Variants in GSK3B observed in about 807,000 individuals in gnomAD.
GSK3B encodes the protein glycogen synthase kinase 3 beta.
In GSK3B, 15 loss-of-function variants were observed where a neutral mutation model predicts 56.4. The ratio of observed to expected loss-of-function variants is 0.27; its 90% confidence interval spans 0.18 to 0.41. The LOEUF is 0.41. GSK3B is among the 10% of genes least tolerant of loss of function. GSK3B has a pLI of 1.00. For synonymous variants in GSK3B, 181 were observed against 188.9 expected, an observed-to-expected ratio of 0.96 and a Z score of 0.34; for missense variants, 300 against 513.4, an observed-to-expected ratio of 0.58 and a Z score of 4.02.
intron 1 of GSK3B, among the ~76,000 whole-genome samples, chr3:120,008,205 A>C (rs948021837): frequency 3.3e-5 from 5 of 152,250 alleles, no homozygotes; most frequent in African/African-American, 1.2e-4. Context: ...GGAGAACTAC[A>C]AACCACTGCT....
chr3:120,079,684 C>A (rs780740398), intron 1 of GSK3B, among the ~76,000 whole-genome samples: 1 of 152,014 alleles, frequency 6.6e-6, no homozygotes, highest in Non-Finnish European at 1.5e-5. Context: ...AGTGAGCCAC[C>A]GCACCCGGCC....
chr3:120,057,085 C>A (rs553703712), intron 1 of GSK3B, among the ~76,000 whole-genome samples: 1 of 152,106 alleles, frequency 6.6e-6, no homozygotes, highest in Non-Finnish European at 1.5e-5. Context: ...GCAGAGGTTG[C>A]GGTGAGCCAA....
Position 120,093,992 on chromosome 3 carries a change from G to A in GSK3B, c.-558C>T, listed in dbSNP as rs200723700. On this transcript the variant is annotated 5_prime_UTR_variant, in exon 1 of 11. Transcript: ENST00000264235. Reference sequence around the variant, plus strand: ...GCGGGATCCGGCGGGCTGACGGCAGGGGCCCGGCGAACTAGAGGGCGGCGG... The same window carrying A: ...GCGGGATCCGGCGGGCTGACGGCAGAGGCCCGGCGAACTAGAGGGCGGCGG... The A allele has an allele frequency of 3.7e-5, 8 of 214,750 alleles. No homozygotes were observed. The South Asian group carries it at 1.1e-3, about 29-fold the overall frequency. The allele number at this position is 214,750 out of a possible 1,614,324, so 13.3% of individuals were successfully genotyped here.
intron 2 of GSK3B, among the ~76,000 whole-genome samples, chr3:119,986,131 T>C (rs1375080623): frequency 2.0e-5 from 3 of 152,170 alleles, no homozygotes; most frequent in African/African-American, 7.2e-5. Context: ...TAGCTAGCCA[T>C]ATGCAGAAAA....
intron 3 of GSK3B, among the ~76,000 whole-genome samples, chr3:119,936,334 A>C (rs915363352): frequency 7.6e-6 from 1 of 131,174 alleles, no homozygotes; most frequent in East Asian, 2.1e-4. Context: ...AATATATATA[A>C]AAAATATATA....
intron 7 of GSK3B, among the ~76,000 whole-genome samples, chr3:119,903,098 G>C (rs2056641476): frequency 6.6e-6 from 1 of 152,116 alleles, no homozygotes; most frequent in African/African-American, 2.4e-5. Flanking sequence ...ATAAGACTTA[G>C]AACTATACTA....
intron 1 of GSK3B, among the ~76,000 whole-genome samples, chr3:120,076,570 C>G (rs555098841): frequency 1.3e-5 from 2 of 152,154 alleles, no homozygotes; most frequent in South Asian, 4.1e-4. Flanking sequence ...AATCCCAGCA[C>G]TTTGGGAGGC....
rs762910410 is a variant in GSK3B at position 119,825,656 on chromosome 3, CAAATT to C, written c.*1127_*1131del. 2.6e-4 allele frequency: 60 copies of C among 227,640 alleles called. No individual in the cohort carries two copies. Among genetic ancestry groups the C allele is most frequent in the African/African-American group, 1.1e-3 (50 of 45,168 alleles). 14.1% of individuals were successfully genotyped at this position (227,640 alleles called of 1,614,324 possible). A position where few individuals can be genotyped will look rare whatever the true frequency, so the allele number is the denominator to read the frequency against. On this transcript the variant is annotated 3_prime_UTR_variant, in exon 11 of 11. Transcript: ENST00000264235. ...ATGTAAAAAGCATGAGGTTAAAAAACAAATTAAATACAGATTCTAGATTTGGATTT... is the reference window on the plus strand; with the variant it reads ...ATGTAAAAAGCATGAGGTTAAAAAACAAATACAGATTCTAGATTTGGATTT...
At chr3:120,065,705 T>A (rs925111509) in intron 1 of GSK3B, among the ~76,000 whole-genome samples, 3 of 152,098 alleles carry the variant, frequency 2.0e-5, no homozygotes, top group Admixed American at 6.5e-5. Context: ...CCATAAAAAA[T>A]GAAAATGTCC....
chr3:119,875,317 T>A (rs1277148906), intron 8 of GSK3B, among the ~76,000 whole-genome samples: 1 of 152,014 alleles, frequency 6.6e-6, no homozygotes, highest in East Asian at 1.9e-4. Flanking sequence ...GAAACATACT[T>A]TGATTCTACA....
chr3:119,837,697 A>G (rs72967130), intron 10 of GSK3B, among the ~76,000 whole-genome samples: 1,839 of 151,904 alleles, frequency 0.012, 32 homozygotes, highest in African/African-American at 0.042. Flanking sequence ...GAAATTCCCT[A>G]CAACATCTCA....
intron 3 of GSK3B, among the ~76,000 whole-genome samples, chr3:119,931,879 A>G (rs2056949149): frequency 6.6e-6 from 1 of 152,160 alleles, no homozygotes; most frequent in South Asian, 2.1e-4. Flanking sequence ...ATTTCTCTCT[A>G]TGACTCAGTT....
chr3:119,922,220 A>AGGAAGAAG (rs2056848723), intron 4 of GSK3B, among the ~76,000 whole-genome samples: 2 of 105,064 alleles, frequency 1.9e-5, no homozygotes. Flanking sequence ...GAAGGAAGGA[A>AGGAAGAAG]GGAAGGAGGG....
At position 119,898,930 on chromosome 3, in the gene GSK3B, T is replaced by A. The variant is rs554250487; in HGVS notation, c.813+6825A>T. 9.9e-5 allele frequency among the ~76,000 whole-genome samples: 15 copies of A among 152,272 alleles called. No individual in the cohort carries two copies. The South Asian group carries it at 1.2e-3, about 13-fold the overall frequency. ...TATTTTCTTGTACTACACTTATCCT[T>A]CTTGTTGTGATGATGTGAGATGATA... On this transcript the variant is annotated intron_variant, in intron 7 of 10. Coordinates refer to ENST00000264235, the MANE Select transcript of GSK3B (RefSeq NM_001146156.2).
At chr3:119,870,085 C>T (rs1369726874) in intron 8 of GSK3B, among the ~76,000 whole-genome samples, 4 of 152,200 alleles carry the variant, frequency 2.6e-5, no homozygotes, top group Admixed American at 1.3e-4. Flanking sequence ...CAATTCCTAA[C>T]CTTTTCTACA....
intron 1 of GSK3B, among the ~76,000 whole-genome samples, chr3:120,042,572 A>C (rs1053507938): frequency 1.3e-5 from 2 of 152,236 alleles, no homozygotes; most frequent in African/African-American, 4.8e-5. Flanking sequence ...TAAAATACTT[A>C]TTAATGACAA....
At chr3:119,929,948 G>A (rs1426476430) in intron 3 of GSK3B, among the ~76,000 whole-genome samples, 2 of 151,034 alleles carry the variant, frequency 1.3e-5, no homozygotes, top group African/African-American at 4.9e-5. Flanking sequence ...AGGCCTGGCA[G>A]CACACGCCTG....
intron 2 of GSK3B, among the ~76,000 whole-genome samples, chr3:119,959,935 CAT>C (rs1246574436): frequency 6.6e-5 from 10 of 151,938 alleles, no homozygotes; most frequent in African/African-American, 2.2e-4. Flanking sequence ...CACTCTTGGG[CAT>C]ATGTTTTATA....
intron 2 of GSK3B, among the ~76,000 whole-genome samples, chr3:119,961,490 T>C (rs2057270969): frequency 6.6e-6 from 1 of 151,604 alleles, no homozygotes; most frequent in Non-Finnish European, 1.5e-5. Flanking sequence ...TAGCCAGGGG[T>C]GGTGGCACAC....
Sources: gnomAD v4.1 joint callset for allele counts (sites outside exome capture counted in the v4.1 genomes callset) on GRCh38, gnomAD v4.1.1 for gene constraint, MANE v1.5 for transcripts, NCBI Gene and HGNC (gene_info 2026-07-23, HGNC 2026-07-21) for gene names.